Variants in RPL7L1 observed in about 807,000 individuals in gnomAD.
RPL7L1 encodes ribosomal protein L7 like 1.
In RPL7L1, 20 loss-of-function variants were observed where a neutral mutation model predicts 30.3. The ratio of observed to expected loss-of-function variants is 0.66; its 90% CI spans 0.46 to 0.96. The LOEUF (loss-of-function observed/expected upper bound fraction) is 0.96. RPL7L1 is among the 40% of genes least tolerant of loss of function. The pLI, the probability that RPL7L1 is intolerant of heterozygous loss-of-function variation, is 0.00. For missense variants in RPL7L1, 271 were observed against 314.9 expected, an observed-to-expected ratio of 0.86 and a Z score of 1.05; for synonymous variants, 107 against 110.1, an observed-to-expected ratio of 0.97 and a Z score of 0.18.
At position 42,886,170 on chromosome 6, in the gene RPL7L1, G is replaced by A. The variant is rs1275340745; in HGVS notation, c.560-86G>A. 3.5e-6 allele frequency: 5 copies of A among 1,436,928 alleles called. No individual in the cohort carries two copies. The South Asian group carries it at 5.7e-5, about 16-fold the overall frequency. The allele number at this position is 1,436,928 out of a possible 1,614,324, so 89.0% of individuals were successfully genotyped here. A position where few individuals can be genotyped will look rare whatever the true frequency, so the allele number is the denominator to read the frequency against. ...TGAGATTCAGGTTGTATTCTTCTTG[G>A]GGCCCCAAGAGTCTGCCAGAGTGGC... On this transcript the variant is annotated intron_variant, in intron 5 of 5. Coordinates refer to ENST00000493763, the MANE Select transcript of RPL7L1 (RefSeq NM_001366481.3).
rs1449218592 is a variant in RPL7L1 at position 42,888,569 on chromosome 6, T to C, written c.*2105T>C. On this transcript the variant is annotated 3_prime_UTR_variant, in exon 6 of 6. Coordinates refer to ENST00000493763, the MANE Select transcript of RPL7L1 (RefSeq NM_001366481.3). The stretch of plus-strand genomic sequence containing the variant: ...GAAGACCAAAGTTTACCAAGATAGA[T>C]TTTTCCCTTCATAGTGGCAGATAGT... The C allele has an allele frequency of 6.6e-6, 1 of 152,200 alleles. No individual in the cohort carries two copies. Among genetic ancestry groups the C allele is most frequent in the Non-Finnish European group, 1.5e-5 (1 of 68,042 alleles). The allele number at this position is 152,200 out of a possible 1,614,324, so 9.4% of individuals were successfully genotyped here.
intron 4 of RPL7L1, among the ~76,000 whole-genome samples, chr6:42,885,354 C>T (rs1417044184): frequency 1.4e-5 from 2 of 144,442 alleles, no homozygotes; most frequent in South Asian, 2.2e-4. Flanking sequence ...AGGCCAGACA[C>T]GGTGGATCAC....
chr6:42,887,274 G>A lies in RPL7L1; in HGVS notation c.*810G>A, dbSNP rs1206214891. ...TTTCCTGCTTTATCTTCAGAAACTG[G>A]AAAGGGTCAAAGAAAAGACAGTAGC... On this transcript the variant is annotated 3_prime_UTR_variant, in exon 6 of 6. Coordinates refer to ENST00000493763, the MANE Select transcript of RPL7L1 (RefSeq NM_001366481.3). 1.3e-5 allele frequency: 2 copies of A among 152,032 alleles called. No homozygotes were observed. The highest frequency in any genetic ancestry group is 2.4e-5 in the African/African-American group (1 of 41,378). The allele number at this position is 152,032 out of a possible 1,614,324, so 9.4% of individuals were successfully genotyped here. A position where few individuals can be genotyped will look rare whatever the true frequency, so the allele number is the denominator to read the frequency against.
At chr6:42,885,331 A>G (rs1174101859) in intron 4 of RPL7L1, among the ~76,000 whole-genome samples, 1 of 30,208 alleles carries the variant, frequency 3.3e-5, no homozygotes, top group African/African-American at 5.0e-5. Context: ...CTCTGTCTCA[A>G]AAAAAAAAAA....
chr6:42,884,153 A>T (rs1449863164), intron 3 of RPL7L1, among the ~76,000 whole-genome samples: 1 of 152,102 alleles, frequency 6.6e-6, no homozygotes, highest in Non-Finnish European at 1.5e-5. Context: ...TGTCCTTTGT[A>T]GCCCTCTACC....
In RPL7L1 at chr6:42,883,485, T is replaced by G. The variant is rs1766152519; in HGVS notation, c.182T>G (p.Leu61Arg). The change falls in exon 3 of 6, where the codon CTG (leucine) becomes CGG (arginine). Residue 61 changes from leucine to arginine, a missense_variant. Coordinates refer to ENST00000493763, the MANE Select transcript of RPL7L1 (RefSeq NM_001366481.3). ...GGAAAAGGGCTCAGGTTTAAGCGAC[T>G]GGAATCATTCCTACATGATTCCTGG... ...KKGKGLRFKR[L>R]ESFLHDSWRQ... 1 of 1,602,022 alleles carries G rather than the reference T, an allele frequency of 6.2e-7. No individual in the cohort carries two copies. Among genetic ancestry groups the G allele is most frequent in the Non-Finnish European group, 8.5e-7 (1 of 1,174,714 alleles).
chr6:42,879,984 G>C, intron 1 of RPL7L1, 33 bp downstream of exon 1: 1 of 1,608,180 alleles, frequency 6.2e-7, no homozygotes, highest in South Asian at 1.1e-5. Flanking sequence ...ATCTGGAGTG[G>C]GGTCTTGAGT....
intron 2 of RPL7L1, chr6:42,882,214 A>G (rs1766104457): frequency 6.6e-6 from 1 of 152,098 alleles, no homozygotes; most frequent in East Asian, 1.9e-4. Context: ...CTGATAGCTA[A>G]TACAGTGTAC....
Position 42,886,412 on chromosome 6 carries a change from C to A in RPL7L1, c.716C>A (p.Thr239Lys), listed in dbSNP as rs201178717. Residue 239 changes from threonine to lysine, a missense_variant, in exon 6 of 6, where the codon ACA becomes AAA. Physicochemically the swap from Thr to Lys is moderately conservative, Grantham distance 78. Transcript: ENST00000493763. The part of the protein sequence containing the change: ...NRVGFLKEMG[T>K]PGYRGERINQ... ...GTGGGCTTCCTCAAGGAGATGGGCA[C>A]ACCTGGCTATCGGGGTGAACGCATC... 1 of 1,594,236 alleles carries A rather than the reference C, an allele frequency of 6.3e-7. No individual in the cohort carries two copies. Among genetic ancestry groups the A allele is most frequent in the Non-Finnish European group, 8.5e-7 (1 of 1,176,570 alleles).
intron 2 of RPL7L1, chr6:42,882,930 AGGTCTT>A (rs1766132820): frequency 6.6e-6 from 1 of 152,272 alleles, no homozygotes; most frequent in Admixed American, 6.6e-5. Context: ...ACAAGGAGTG[AGGTCTT>A]GTGTTACCCA....
At position 42,888,962 on chromosome 6, in the gene RPL7L1, C is replaced by T. The variant is rs1766378731; in HGVS notation, c.*2498C>T. 6.6e-6 allele frequency: 1 copy of T among 152,190 alleles called. No homozygotes were observed. Among genetic ancestry groups the T allele is most frequent in the South Asian group, 2.1e-4 (1 of 4,830 alleles). 9.4% of individuals were successfully genotyped at this position (152,190 alleles called of 1,614,324 possible). ...AAGTGGGTCTTCCTGCTATTCTCTT[C>T]ACTTAGTTGCCCCTCACTTGCCATC... On this transcript the variant is annotated 3_prime_UTR_variant, in exon 6 of 6. Coordinates refer to ENST00000493763, the MANE Select transcript of RPL7L1 (RefSeq NM_001366481.3).
At chr6:42,881,025 G>C in intron 2 of RPL7L1, 59 bp downstream of exon 2, 1 of 903,986 alleles carries the variant, frequency 1.1e-6, no homozygotes, top group South Asian at 1.3e-5. Flanking sequence ...GTTTTATCCC[G>C]CATGTGTTGG....
Position 42,888,461 on chromosome 6 carries a change from G to C in RPL7L1, c.*1997G>C, listed in dbSNP as rs1187929242. On this transcript the variant is annotated 3_prime_UTR_variant, in exon 6 of 6. Transcript: ENST00000493763. ...GCATGAGCAACTGCGCCCAGCTCTT[G>C]TGTACCTTATGTGAGGAAGTCCTGC... is the stretch of plus-strand genomic sequence containing the variant. The C allele has an allele frequency of 6.6e-6, 1 of 152,230 alleles. No homozygotes were observed. Among genetic ancestry groups the C allele is most frequent in the East Asian group, 1.9e-4 (1 of 5,190 alleles). The allele number at this position is 152,230 out of a possible 1,614,324, so 9.4% of individuals were successfully genotyped here.
intron 5 of RPL7L1, 30 bp downstream of exon 5, chr6:42,886,113 G>C (rs1298501298): frequency 6.3e-6 from 9 of 1,424,206 alleles, no homozygotes; most frequent in Non-Finnish European, 8.9e-6. Flanking sequence ...GATCAGCTGG[G>C]GCAGAAAGCC....
chr6:42,884,251 C>G (rs1189592881), intron 3 of RPL7L1, among the ~76,000 whole-genome samples: 1 of 152,208 alleles, frequency 6.6e-6, no homozygotes, highest in Non-Finnish European at 1.5e-5. Context: ...GTCCCATACA[C>G]TGCCCTTGGT....
At position 42,879,882 on chromosome 6, in the gene RPL7L1, G is replaced by C; in HGVS notation, c.-29G>C. The C allele has an allele frequency of 6.2e-7, 1 of 1,612,570 alleles. No homozygotes were observed. The highest frequency in any genetic ancestry group is 8.5e-7 in the Non-Finnish European group (1 of 1,179,124). On this transcript the variant is annotated 5_prime_UTR_variant, in exon 1 of 6. Coordinates refer to ENST00000493763, the MANE Select transcript of RPL7L1 (RefSeq NM_001366481.3). ...CTATGGTCAAGTAAACAGAGCGTGTGCTGTCTTCCCCATGTGGTGGGGTTG... is the reference window on the plus strand; with the variant it reads ...CTATGGTCAAGTAAACAGAGCGTGTCCTGTCTTCCCCATGTGGTGGGGTTG...
chr6:42,880,095 T>C (rs72864272), intron 1 of RPL7L1, 144 bp downstream of exon 1: 19,312 of 830,436 alleles, frequency 0.023, 317 homozygotes, highest in South Asian at 0.026. Flanking sequence ...TGAGGAGGAG[T>C]AGCGCTGTGG....
At chr6:42,883,368 C>T (rs1766149096) in intron 2 of RPL7L1, 83 bp from the exon 3 acceptor site, 1 of 1,051,316 alleles carries the variant, frequency 9.5e-7, no homozygotes, top group Non-Finnish European at 1.3e-6. Flanking sequence ...TAAGCTATAT[C>T]AGTTGTCACT....
In RPL7L1 at chr6:42,879,949, AGAGT is replaced by A; in HGVS notation, c.41+4_41+7del. On this transcript the variant is annotated splice_donor_variant and coding_sequence_variant, in exon 1 of 6. Coordinates refer to ENST00000493763, the MANE Select transcript of RPL7L1 (RefSeq NM_001366481.3). LOFTEE classifies it high-confidence loss of function. ...GCACCACTAGAAAGATGGCGGAGCAAGAGTGAGTGTTTGGGGCTTTGAATATCTG... is the reference window on the plus strand; with the variant it reads ...GCACCACTAGAAAGATGGCGGAGCAAGAGTGTTTGGGGCTTTGAATATCTG... 1 of 1,614,116 alleles carries A rather than the reference AGAGT, an allele frequency of 6.2e-7. No individual in the cohort carries two copies.
Sources: allele counts gnomAD v4.1 joint callset (sites outside exome capture counted in the v4.1 genomes callset), GRCh38; gene constraint gnomAD v4.1.1; transcripts MANE v1.5; gene names NCBI Gene and HGNC (gene_info 2026-07-23, HGNC 2026-07-21).